CLASP1: variants seen among roughly 807,000 people sequenced by gnomAD.
CLASP1 encodes the protein CLIP-associating protein 1.
A neutral mutation model predicts 192.3 loss-of-function variants in CLASP1; 38 were observed. The observed-to-expected ratio is 0.20, with a 90% CI of 0.15 to 0.26. The LOEUF is 0.26. Ranked by LOEUF, CLASP1 falls within the 10% of genes least tolerant of loss-of-function variation. CLASP1 has a pLI of 1.00. For synonymous variants in CLASP1, 691 were observed against 712.8 expected (o/e 0.97, Z 0.49); for missense variants, 1,433 against 1,932.5 (o/e 0.74, Z 4.85).
chr2:121,571,778 T>C (rs1413816205), intron 2 of CLASP1, among the ~76,000 whole-genome samples: 1 of 152,034 alleles, frequency 6.6e-6, no homozygotes, highest in Non-Finnish European at 1.5e-5. Context: ...GGCTACAGTA[T>C]GGAGGGAACG....
chr2:121,355,217 T>C lies in CLASP1; in HGVS notation c.4207-6499A>G, dbSNP rs1239584521. On this transcript the variant is annotated intron_variant, in intron 37 of 39. Coordinates refer to ENST00000263710, the Ensembl canonical transcript of CLASP1. ...AGGCTGGAGTGCAGTGGCGCCATCT[T>C]GGTGGGTTCAAGCGATTCTCCTGCC... 2.6e-5 allele frequency among the ~76,000 whole-genome samples: 4 copies of C among 152,254 alleles called. No homozygotes were observed. In the East Asian group the frequency reaches 7.7e-4, roughly 29 times the overall value.
intron 2 of CLASP1, chr2:121,531,020 T>TTTCATAG: frequency 1.4e-6 from 1 of 700,104 alleles, no homozygotes; most frequent in East Asian, 2.7e-5. Flanking sequence ...GAAAACCTGT[T>TTTCATAG]TTCATAGACT....
chr2:121,545,363 T>A (rs2095309825), intron 2 of CLASP1, among the ~76,000 whole-genome samples: 1 of 152,196 alleles, frequency 6.6e-6, no homozygotes, highest in Non-Finnish European at 1.5e-5. Context: ...TTGGTTTTTT[T>A]AATCACGGGG....
intron 2 of CLASP1, among the ~76,000 whole-genome samples, chr2:121,555,422 C>T (rs1300510321): frequency 6.6e-6 from 1 of 152,170 alleles, no homozygotes; most frequent in South Asian, 2.1e-4. Flanking sequence ...TTCTCTAATG[C>T]CAAGAGTCTA....
At chr2:121,515,347 T>C (rs926233885) in intron 7 of CLASP1, among the ~76,000 whole-genome samples, 1 of 152,202 alleles carries the variant, frequency 6.6e-6, no homozygotes, top group Non-Finnish European at 1.5e-5. Flanking sequence ...TCTGTACAGA[T>C]ATAGATACAG....
intron 2 of CLASP1, among the ~76,000 whole-genome samples, chr2:121,571,779 G>A (rs904170629): frequency 2.0e-5 from 3 of 152,174 alleles, no homozygotes; most frequent in African/African-American, 7.2e-5. Flanking sequence ...GCTACAGTAT[G>A]GAGGGAACGT....
At chr2:121,407,862 G>A in intron 24 of CLASP1, 147 bp from the exon 26 acceptor site, 1 of 997,696 alleles carries the variant, frequency 1.0e-6, no homozygotes, top group South Asian at 1.3e-5. Flanking sequence ...TTATAGATTA[G>A]GGAAATAAAA....
chr2:121,519,481 T>C lies in CLASP1; in HGVS notation c.547-3719A>G, dbSNP rs902097485. 7.9e-5 allele frequency among the ~76,000 whole-genome samples: 12 copies of C among 152,232 alleles called. No homozygotes were observed. In the East Asian group the frequency reaches 1.2e-3, roughly 15 times the overall value. On this transcript the variant is annotated intron_variant, in intron 6 of 39. Transcript: ENST00000263710. The stretch of plus-strand genomic sequence containing the variant: ...GGTAGCACAGCTTTACCAGGCCTTC[T>C]ACCCTTTCAAGAAAAGTTAAAAATA...
chr2:121,375,948 G>A (rs1452189577), intron 34 of CLASP1, among the ~76,000 whole-genome samples: 2 of 152,064 alleles, frequency 1.3e-5, no homozygotes, highest in Non-Finnish European at 2.9e-5. Context: ...ATAGCTGAGG[G>A]TTGCTCTTTT....
intron 2 of CLASP1, among the ~76,000 whole-genome samples, chr2:121,593,353 C>T (rs1003030883): frequency 2.0e-5 from 3 of 152,142 alleles, no homozygotes; most frequent in Non-Finnish European, 4.4e-5. Context: ...GGCACGGTGG[C>T]TCACACCTGT....
intron 6 of CLASP1, among the ~76,000 whole-genome samples, chr2:121,517,299 C>A (rs1385011543): frequency 6.6e-6 from 1 of 152,048 alleles, no homozygotes; most frequent in East Asian, 1.9e-4. Context: ...AGTACAACAT[C>A]AAGGTAGTGG....
intron 6 of CLASP1, among the ~76,000 whole-genome samples, chr2:121,524,291 A>C (rs966771469): frequency 2.6e-5 from 4 of 152,334 alleles, no homozygotes; most frequent in Admixed American, 6.5e-5. Context: ...GGAAAACAAA[A>C]ACAGAAACAA....
chr2:121,607,505 G>A (rs1453132921), intron 1 of CLASP1, among the ~76,000 whole-genome samples: 3 of 152,156 alleles, frequency 2.0e-5, no homozygotes, highest in Non-Finnish European at 4.4e-5. Context: ...TACCAAAACC[G>A]TTCTAACTAC....
At chr2:121,430,052 A>G in intron 20 of CLASP1, 21 bp downstream of exon 20, 1 of 1,519,764 alleles carries the variant, frequency 6.6e-7, no homozygotes, top group Non-Finnish European at 9.0e-7. Flanking sequence ...GGTAAGCAAG[A>G]GCATAAAATA....
intron 20 of CLASP1, among the ~76,000 whole-genome samples, chr2:121,428,889 C>T (rs1312551804): frequency 1.3e-5 from 2 of 152,212 alleles, no homozygotes; most frequent in Non-Finnish European, 2.9e-5. Flanking sequence ...AGGGTGGGAA[C>T]TGTTATCACT....
chr2:121,438,237 T>G (rs1200484590), intron 19 of CLASP1, among the ~76,000 whole-genome samples: 2 of 152,216 alleles, frequency 1.3e-5, no homozygotes, highest in Non-Finnish European at 2.9e-5. Flanking sequence ...CTACTTTAAT[T>G]CATTAGCTTG....
At chr2:121,478,939 C>A (rs924310595) in intron 8 of CLASP1, among the ~76,000 whole-genome samples, 27 of 36,194 alleles carry the variant, frequency 7.5e-4, no homozygotes, top group South Asian at 6.5e-3. Context: ...ACAACACCCC[C>A]CACACACACA....
chr2:121,404,753 C>T (rs2076665921), intron 25 of CLASP1, among the ~76,000 whole-genome samples: 1 of 152,186 alleles, frequency 6.6e-6, no homozygotes, highest in Non-Finnish European at 1.5e-5. Flanking sequence ...GATTTGCTCT[C>T]ATTTTAAGAT....
At chr2:121,387,573 G>GA (rs1235916339) in intron 31 of CLASP1, among the ~76,000 whole-genome samples, 190 bp downstream of exon 32, 1 of 152,078 alleles carries the variant, frequency 6.6e-6, no homozygotes, top group East Asian at 1.9e-4. Flanking sequence ...AACAACCTGA[G>GA]AAAAAACGGC....
Sources: gnomAD v4.1 joint callset for allele counts (sites outside exome capture counted in the v4.1 genomes callset) on GRCh38, gnomAD v4.1.1 for gene constraint, MANE v1.5 for transcripts, NCBI Gene and HGNC (gene_info 2026-07-23, HGNC 2026-07-21) for gene names.